Variants in FILIP1 observed in about 807,000 individuals in gnomAD.
FILIP1 encodes filamin-A-interacting protein 1.
In FILIP1, 61 loss-of-function variants were observed where a neutral mutation model predicts 102.1. The ratio of observed to expected loss-of-function variants is 0.60; its 90% CI spans 0.49 to 0.74. The LOEUF is 0.74. FILIP1 is among the 30% of genes least tolerant of loss of function. FILIP1 has a pLI of 0.00. For missense variants in FILIP1, 1,314 were observed against 1,441.2 expected (o/e 0.91, Z 1.43); for synonymous variants, 491 against 526.9 (o/e 0.93, Z 0.93).
intron 4 of FILIP1, among the ~76,000 whole-genome samples, chr6:75,343,219 C>T (rs1396178965): frequency 1.3e-5 from 2 of 152,208 alleles, no homozygotes; most frequent in Non-Finnish European, 2.9e-5. Context: ...AGAGGTCTCA[C>T]CAGAACCCAA....
intron 2 of FILIP1, among the ~76,000 whole-genome samples, chr6:75,369,541 A>ATTTAACTGTATTTGTT (rs1329582070): frequency 2.0e-5 from 3 of 151,748 alleles, no homozygotes; most frequent in African/African-American, 7.3e-5. Flanking sequence ...TCTGACGACA[A>ATTTAACTGTATTTGTT]TTTAACTGTA....
Position 75,312,813 on chromosome 6 carries a change from T to A in FILIP1, c.3019A>T (p.Ile1007Phe), listed in dbSNP as rs749359869. The A allele has an allele frequency of 6.2e-7, 1 of 1,614,088 alleles. No individual in the cohort carries two copies. The highest frequency in any genetic ancestry group is 8.5e-7 in the Non-Finnish European group (1 of 1,180,032). ...GATGTAGACACCGTCATTATCTGAATAGGGGATGTGGGCCTGTCTGCAAAT... is the reference window on the plus strand; with the variant it reads ...GATGTAGACACCGTCATTATCTGAAAAGGGGATGTGGGCCTGTCTGCAAAT... ...GAFADRPTSP[I>F]QIMTVSTSAA... is the part of the protein sequence containing the mutation. Residue 1007 changes from isoleucine to phenylalanine, a missense_variant, in exon 5 of 6, where the codon ATT becomes TTT. Ile to Phe is a conservative substitution (Grantham distance 21). This residue lies in a region of FILIP1 where 816 missense variants were observed against 913.1 expected (regional missense o/e 0.89). Transcript: ENST00000237172.
chr6:75,345,346 C>A lies in FILIP1; in HGVS notation c.629+8193G>T, dbSNP rs192459608. Among the ~76,000 whole-genome samples, 377 of 151,458 alleles carry A rather than the reference C, an allele frequency of 2.5e-3. 1 individual carries two copies. Among genetic ancestry groups the A allele is most frequent in the Middle Eastern group, 6.8e-3 (2 of 294 alleles). Reference sequence around the variant, plus strand: ...GTTTTCCTTTTAATGAAAAACAGCCCCCAAATCTTTTTTTTTTTTTTTCTA... The same window carrying A: ...GTTTTCCTTTTAATGAAAAACAGCCACCAAATCTTTTTTTTTTTTTTTCTA... On this transcript the variant is annotated intron_variant, in intron 4 of 5. Transcript: ENST00000237172.
At chr6:75,488,524 C>T (rs574617132) in intron 1 of FILIP1, among the ~76,000 whole-genome samples, 3 of 150,666 alleles carry the variant, frequency 2.0e-5, no homozygotes, top group East Asian at 1.9e-4. Context: ...ATATTCATTC[C>T]GCAAAGCCAG....
intron 1 of FILIP1, among the ~76,000 whole-genome samples, chr6:75,484,303 T>G (rs1476778457): frequency 1.3e-5 from 2 of 152,198 alleles, no homozygotes; most frequent in African/African-American, 2.4e-5. Context: ...CAATTCTACC[T>G]GCGGAAGGTT....
At chr6:75,411,360 T>C (rs1259505957) in intron 2 of FILIP1, among the ~76,000 whole-genome samples, 1 of 152,228 alleles carries the variant, frequency 6.6e-6, no homozygotes, top group African/African-American at 2.4e-5. Context: ...TCTTCCATTC[T>C]GTAGGTTGCC....
chr6:75,425,469 T>C (rs1777598022), intron 1 of FILIP1, among the ~76,000 whole-genome samples: 1 of 152,172 alleles, frequency 6.6e-6, no homozygotes, highest in South Asian at 2.1e-4. Context: ...TAATGGCTCT[T>C]AGACTCCTAT....
intron 1 of FILIP1, among the ~76,000 whole-genome samples, chr6:75,478,369 C>T (rs1030086534): frequency 1.3e-5 from 2 of 152,192 alleles, no homozygotes; most frequent in Non-Finnish European, 2.9e-5. Context: ...ACCCTGCTGT[C>T]AGTGCAGTGA....
chr6:75,374,461 C>T (rs1463588462), intron 2 of FILIP1, among the ~76,000 whole-genome samples: 1 of 152,188 alleles, frequency 6.6e-6, no homozygotes, highest in East Asian at 1.9e-4. Context: ...TCACTGCAAC[C>T]TCCACCTCCC....
chr6:75,475,075 C>A (rs1342360477), intron 1 of FILIP1, among the ~76,000 whole-genome samples: 1 of 152,114 alleles, frequency 6.6e-6, no homozygotes, highest in Non-Finnish European at 1.5e-5. Flanking sequence ...CCAATTAAAT[C>A]TCTTTTCTTT....
chr6:75,441,662 GAC>G (rs1778242537), intron 1 of FILIP1, among the ~76,000 whole-genome samples: 2 of 143,722 alleles, frequency 1.4e-5, no homozygotes, highest in African/African-American at 5.4e-5. Context: ...GCGGGGGGCT[GAC>G]GCCCCCACCT....
intron 1 of FILIP1, among the ~76,000 whole-genome samples, chr6:75,426,953 A>G (rs767935438): frequency 3.3e-5 from 5 of 152,096 alleles, no homozygotes; most frequent in Non-Finnish European, 7.4e-5. Flanking sequence ...GCAGCAGGGA[A>G]ACCAGTCTAA....
In FILIP1 at chr6:75,441,659, G is replaced by A. The variant is rs1258639030; in HGVS notation, c.-6-26681C>T. 6.1e-5 allele frequency among the ~76,000 whole-genome samples: 9 copies of A among 146,942 alleles called. No homozygotes were observed. The South Asian group carries it at 6.4e-4, about 10-fold the overall frequency. ...GACGGGGCGGCTGGCCGGGCGGGGGGCTGACGCCCCCACCTCCCTCCCTGA... is the reference window on the plus strand; with the variant it reads ...GACGGGGCGGCTGGCCGGGCGGGGGACTGACGCCCCCACCTCCCTCCCTGA... On this transcript the variant is annotated intron_variant, in intron 1 of 5. Coordinates refer to ENST00000237172, the MANE Select transcript of FILIP1 (RefSeq NM_015687.5).
chr6:75,296,070 G>C (rs1048821521), intron 6 of FILIP1: 1 of 613,818 alleles, frequency 1.6e-6, no homozygotes, highest in Non-Finnish European at 2.4e-6. Context: ...AGGTACATGA[G>C]GCTAATAGAC....
chr6:75,478,472 A>C (rs541405629), intron 1 of FILIP1, among the ~76,000 whole-genome samples: 2 of 152,332 alleles, frequency 1.3e-5, no homozygotes, highest in African/African-American at 4.8e-5. Flanking sequence ...TTAGGTGAGC[A>C]TCAGCCTCTC....
Position 75,308,651 on chromosome 6 carries a change from GC to G in FILIP1, c.*39del, listed in dbSNP as rs757664489. The G allele has an allele frequency of 3.1e-5, 50 of 1,607,498 alleles. No individual in the cohort carries two copies. The South Asian group carries it at 5.4e-4, about 17-fold the overall frequency. On this transcript the variant is annotated 3_prime_UTR_variant, in exon 6 of 6. Coordinates refer to ENST00000237172, the MANE Select transcript of FILIP1 (RefSeq NM_015687.5). ...CAGATGAAGGTTCACTTTCACGGCA[GC>G]AGTAGCATCTGCACAACATACCCCC...
intron 4 of FILIP1, among the ~76,000 whole-genome samples, chr6:75,338,529 C>T (rs972705362): frequency 3.3e-5 from 5 of 152,170 alleles, no homozygotes; most frequent in Admixed American, 1.3e-4. Flanking sequence ...AATGCTAATC[C>T]GACTACCTTC....
At chr6:75,420,750 T>C (rs1204805305) in intron 1 of FILIP1, among the ~76,000 whole-genome samples, 1 of 152,188 alleles carries the variant, frequency 6.6e-6, no homozygotes, top group African/African-American at 2.4e-5. Flanking sequence ...TTCTCCTTCC[T>C]GGGTAATTTT....
At chr6:75,368,246 C>T (rs1043908222) in intron 2 of FILIP1, among the ~76,000 whole-genome samples, 3 of 152,104 alleles carry the variant, frequency 2.0e-5, no homozygotes, top group Admixed American at 6.5e-5. Context: ...GAAGCTGATT[C>T]AAAACATGTG....
Sources: gnomAD v4.1 joint callset for allele counts (sites outside exome capture counted in the v4.1 genomes callset) on GRCh38, gnomAD v4.1.1 for gene constraint, gnomAD v4.1.1 regional missense constraint, MANE v1.5 for transcripts, NCBI Gene and HGNC (gene_info 2026-07-23, HGNC 2026-07-21) for gene names.